The following PRIM2 variants were observed in gnomAD, a reference collection of about 807,000 sequenced individuals.
PRIM2 encodes DNA primase subunit 2.
A neutral mutation model predicts 67.3 loss-of-function variants in PRIM2; 39 were observed. The ratio of observed to expected loss-of-function variants is 0.58; its 90% CI spans 0.45 to 0.76. PRIM2 has a LOEUF of 0.76. PRIM2 is among the 30% of genes least tolerant of loss of function. The pLI, the probability that PRIM2 is intolerant of heterozygous loss-of-function variation, is 0.00. For missense variants in PRIM2, 398 were observed against 598.7 expected (o/e 0.66, Z 3.50); for synonymous variants, 143 against 198.7 (o/e 0.72, Z 2.36).
At chr6:57,369,994 C>G (rs1769491118) in intron 5 of PRIM2, among the ~76,000 whole-genome samples, 1 of 152,130 alleles carries the variant, frequency 6.6e-6, no homozygotes, top group Non-Finnish European at 1.5e-5. Flanking sequence ...TTTATTTAAT[C>G]CCAAGAAAAG....
intron 8 of PRIM2, among the ~76,000 whole-genome samples, chr6:57,531,692 T>G (rs1349382433): frequency 2.6e-5 from 4 of 152,158 alleles, no homozygotes; most frequent in African/African-American, 9.7e-5. Context: ...AAATGGGGAA[T>G]TAGGAATCAA....
intron 7 of PRIM2, among the ~76,000 whole-genome samples, chr6:57,414,647 A>G (rs1401531340): frequency 1.3e-5 from 2 of 152,140 alleles, no homozygotes; most frequent in East Asian, 1.9e-4. Flanking sequence ...GCTAGATGGT[A>G]GTAGCGGATG....
the PRIM2 span, among the ~76,000 whole-genome samples, chr6:57,276,221 C>G: frequency 6.6e-6 from 1 of 151,978 alleles, no homozygotes; most frequent in East Asian, 1.9e-4. Flanking sequence ...GAAACCCAGT[C>G]TCTACTAAAA....
intron 2 of PRIM2, among the ~76,000 whole-genome samples, chr6:57,318,977 G>A (rs576872745): frequency 2.0e-5 from 3 of 152,314 alleles, no homozygotes; most frequent in East Asian, 1.9e-4. Flanking sequence ...AAACAAAGAA[G>A]TGGGAGTGAC....
chr6:57,608,785 T>C (rs1776611327), intron 12 of PRIM2, among the ~76,000 whole-genome samples: 1 of 151,764 alleles, frequency 6.6e-6, no homozygotes, highest in African/African-American at 2.4e-5. Context: ...CATAGGATTG[T>C]TCATTTCCTG....
chr6:57,345,356 G>T (rs924323918), intron 5 of PRIM2, among the ~76,000 whole-genome samples: 2 of 151,648 alleles, frequency 1.3e-5, no homozygotes, highest in African/African-American at 4.8e-5. Flanking sequence ...TAGTAGAGAC[G>T]GGGTTTTGTC....
At chr6:57,546,237 T>G (rs1369244016) in intron 10 of PRIM2, among the ~76,000 whole-genome samples, 3 of 152,246 alleles carry the variant, frequency 2.0e-5, no homozygotes, top group Non-Finnish European at 2.9e-5. Flanking sequence ...ACATTGATTT[T>G]TAAGAAACTA....
chr6:57,572,278 A>T (rs1775877105), intron 10 of PRIM2, among the ~76,000 whole-genome samples: 2 of 152,306 alleles, frequency 1.3e-5, no homozygotes, highest in South Asian at 4.1e-4. Flanking sequence ...AGTTGAATGG[A>T]ATAGTGTTGA....
intron 4 of PRIM2, 139 bp from the exon 5 acceptor site, chr6:57,325,786 C>T (rs997526718): frequency 1.8e-5 from 14 of 763,062 alleles, no homozygotes; most frequent in Admixed American, 2.9e-5. Flanking sequence ...TTCTCCTTAC[C>T]GTGATAGAGG....
chr6:57,458,760 T>C (rs1772898763), intron 7 of PRIM2, among the ~76,000 whole-genome samples: 1 of 152,220 alleles, frequency 6.6e-6, no homozygotes, highest in Non-Finnish European at 1.5e-5. Context: ...CTCTTACAGT[T>C]AGCCCCCCTA....
At chr6:57,408,625 T>G (rs1770981401) in intron 7 of PRIM2, among the ~76,000 whole-genome samples, 1 of 152,164 alleles carries the variant, frequency 6.6e-6, no homozygotes, top group Non-Finnish European at 1.5e-5. Flanking sequence ...TTGTTTGTTT[T>G]AGAATTCCGT....
chr6:57,345,970 G>A (rs11967034), intron 5 of PRIM2, among the ~76,000 whole-genome samples: 5,246 of 152,222 alleles, frequency 0.034, 299 homozygotes, highest in African/African-American at 0.12. Context: ...GTATCTTTTA[G>A]CATGCTAATG....
At chr6:57,498,940 G>A (rs1400924905) in intron 7 of PRIM2, among the ~76,000 whole-genome samples, 1 of 152,112 alleles carries the variant, frequency 6.6e-6, no homozygotes. Flanking sequence ...AGAAAATCAT[G>A]AAAAATATGT....
intron 5 of PRIM2, among the ~76,000 whole-genome samples, chr6:57,366,183 T>C (rs568939940): frequency 3.7e-4 from 57 of 152,170 alleles, no homozygotes; most frequent in African/African-American, 1.4e-3. Context: ...GTTAGTTGCA[T>C]AGAAATTTGC....
intron 7 of PRIM2, among the ~76,000 whole-genome samples, chr6:57,502,999 A>G (rs1554347017): frequency 6.6e-6 from 1 of 152,230 alleles, no homozygotes; most frequent in Non-Finnish European, 1.5e-5. Flanking sequence ...AATGAAAACA[A>G]TTAGAAATAC....
the PRIM2 span, among the ~76,000 whole-genome samples, chr6:57,243,082 C>T: frequency 6.6e-6 from 1 of 152,218 alleles, no homozygotes; most frequent in African/African-American, 2.4e-5. Flanking sequence ...TCAATCTGCT[C>T]TCATTTGCAA....
Position 57,354,479 on chromosome 6 carries a change from G to T in PRIM2, c.460-25422G>T, listed in dbSNP as rs545165766. On this transcript the variant is annotated intron_variant, in intron 5 of 13. Coordinates refer to ENST00000615550, the MANE Select transcript of PRIM2 (RefSeq NM_000947.5). The stretch of plus-strand genomic sequence containing the variant: ...GTGGTAAAATTAGATAATTAATAAA[G>T]GTTTAAAGGGATTCTAACTGATAAA... Among the ~76,000 whole-genome samples the T allele has an allele frequency of 4.3e-3, 650 of 151,880 alleles. 20 individuals carry two copies. The South Asian group carries it at 0.088, about 21-fold the overall frequency.
At chr6:57,555,912 T>G (rs1361275670) in intron 10 of PRIM2, among the ~76,000 whole-genome samples, 2 of 152,228 alleles carry the variant, frequency 1.3e-5, no homozygotes, top group East Asian at 3.8e-4. Context: ...AAGTCCGTGA[T>G]TCTCATTTTT....
intron 7 of PRIM2, among the ~76,000 whole-genome samples, chr6:57,451,991 T>C (rs1373874588): frequency 6.8e-6 from 1 of 147,886 alleles, no homozygotes; most frequent in Admixed American, 6.8e-5. Context: ...GTCCATGTGT[T>C]CTCATTGTTC....
Sources: allele counts gnomAD v4.1 joint callset (sites outside exome capture counted in the v4.1 genomes callset), GRCh38; gene constraint gnomAD v4.1.1; transcripts MANE v1.5; gene names NCBI Gene and HGNC (gene_info 2026-07-23, HGNC 2026-07-21).